The following CSMD1 variants were observed in gnomAD, a reference collection of about 807,000 sequenced individuals.
CSMD1 encodes the protein CUB and sushi domain-containing protein 1.
CSMD1 carries 213 observed loss-of-function variants against 417.5 expected under a neutral mutation model. That is an observed-to-expected ratio of 0.51 (90% CI 0.46 to 0.57). CSMD1 has a LOEUF of 0.57. CSMD1 is among the 20% of genes least tolerant of loss of function. CSMD1 has a pLI of 0.00. For synonymous variants in CSMD1, 2,862 were observed against 1,736.8 expected, an observed-to-expected ratio of 1.65 and a Z score of -16.11; for missense variants, 6,923 against 4,529.7, an observed-to-expected ratio of 1.53 and a Z score of -15.17.
At chr8:4,935,996 G>A (rs991140718) in intron 1 of CSMD1, among the ~76,000 whole-genome samples, 1 of 152,172 alleles carries the variant, frequency 6.6e-6, no homozygotes, top group South Asian at 2.1e-4. Flanking sequence ...AGCAAAAACA[G>A]CCAGGAATAA....
chr8:3,913,781 G>A (rs147181495), intron 5 of CSMD1, among the ~76,000 whole-genome samples: 7 of 152,248 alleles, frequency 4.6e-5, no homozygotes, highest in African/African-American at 1.4e-4. Flanking sequence ...TAAACAACTT[G>A]TATCTTAATG....
intron 1 of CSMD1, among the ~76,000 whole-genome samples, chr8:4,652,261 C>A (rs1469910845): frequency 6.6e-5 from 10 of 152,122 alleles, no homozygotes; most frequent in Non-Finnish European, 1.0e-4. Context: ...GAATAGAAAT[C>A]CAGTCTCATT....
intron 2 of CSMD1, among the ~76,000 whole-genome samples, chr8:4,441,095 G>GTATTTTTTTTTTTTTTTTTTTTTTT (rs1798443777): frequency 1.9e-5 from 1 of 51,294 alleles, no homozygotes; most frequent in Non-Finnish European, 3.6e-5. Flanking sequence ...TAATCAAAAG[G>GTATTTTTTTTTTTTTTTTTTTTTTT]TTTTTTTTTT....
chr8:3,889,691 C>T (rs1433549747), intron 5 of CSMD1, among the ~76,000 whole-genome samples: 1 of 151,400 alleles, frequency 6.6e-6, no homozygotes, highest in Non-Finnish European at 1.5e-5. Context: ...TGAAACTCAA[C>T]CTGGACTTCC....
At chr8:3,891,042 T>C (rs974995069) in intron 5 of CSMD1, among the ~76,000 whole-genome samples, 4 of 152,044 alleles carry the variant, frequency 2.6e-5, no homozygotes, top group Non-Finnish European at 4.4e-5. Flanking sequence ...TTTTTTGTTT[T>C]TTTTTTGTTT....
At chr8:3,537,167 C>T (rs1338126760) in intron 10 of CSMD1, among the ~76,000 whole-genome samples, 4 of 152,034 alleles carry the variant, frequency 2.6e-5, no homozygotes, top group Non-Finnish European at 5.9e-5. Flanking sequence ...CCACGCCCAG[C>T]TAATTTGTTG....
chr8:4,443,962 A>G (rs756252404), intron 2 of CSMD1, among the ~76,000 whole-genome samples: 12 of 152,138 alleles, frequency 7.9e-5, no homozygotes, highest in Non-Finnish European at 1.5e-4. Flanking sequence ...TGATATAATT[A>G]CCTGTGATAT....
intron 5 of CSMD1, among the ~76,000 whole-genome samples, chr8:3,910,152 T>G (rs1418821301): frequency 1.3e-5 from 2 of 152,200 alleles, no homozygotes; most frequent in Admixed American, 6.5e-5. Context: ...TTACAACTTA[T>G]GTCGGACACA....
intron 25 of CSMD1, among the ~76,000 whole-genome samples, chr8:3,304,705 T>C (rs1308487559): frequency 2.2e-5 from 3 of 136,412 alleles, no homozygotes; most frequent in African/African-American, 8.3e-5. Context: ...TGCACGTTTT[T>C]ATTCAAATAT....
At chr8:4,016,648 AC>A (rs1289239207) in intron 4 of CSMD1, among the ~76,000 whole-genome samples, 2 of 152,234 alleles carry the variant, frequency 1.3e-5, no homozygotes, top group Admixed American at 6.5e-5. Flanking sequence ...TTTGTCTTCT[AC>A]AGGTTTGTCT....
chr8:4,637,481 A>T lies in CSMD1; in HGVS notation c.163T>A (p.Tyr55Asn). 2 of 1,613,898 alleles carry T rather than the reference A, an allele frequency of 1.2e-6. No individual in the cohort carries two copies. The highest frequency in any genetic ancestry group is 1.7e-6 in the Non-Finnish European group (2 of 1,179,870). Residue 55 changes from tyrosine (Y) to asparagine (N), a missense_variant, in exon 2 of 70, where the codon TAT (tyrosine) becomes AAT (asparagine). Coordinates refer to ENST00000635120, the MANE Select transcript of CSMD1 (RefSeq NM_033225.6). The stretch of plus-strand genomic sequence containing the variant: ...ATGATGATCCAGGTGCAGTTGGCAT[A>T]GTTCGGATACCCGTGAGGAAACCCT... The part of the protein sequence containing the change: ...SPGFPHGYPN[Y>N]ANCTWIIITG...
intron 1 of CSMD1, among the ~76,000 whole-genome samples, chr8:4,842,602 G>T (rs962693363): frequency 2.6e-5 from 4 of 152,166 alleles, no homozygotes; most frequent in Non-Finnish European, 4.4e-5. Context: ...CTGCTGCAGG[G>T]AACCCGGGTG....
In CSMD1 at chr8:3,343,459, A is replaced by C. The variant is rs770887279; in HGVS notation, c.3475-9T>G. The C allele has an allele frequency of 2.5e-6, 4 of 1,610,612 alleles. No individual in the cohort carries two copies. The highest frequency in any genetic ancestry group is 3.4e-6 in the Non-Finnish European group (4 of 1,177,494). On this transcript the variant is annotated splice_polypyrimidine_tract_variant and intron_variant, in intron 22 of 69. Coordinates refer to ENST00000635120, the MANE Select transcript of CSMD1 (RefSeq NM_033225.6). ...TCTTTTCCATCATATACCTGATGAA[A>C]ATTCACAGCATGAGTCCCTCTATGC... is the stretch of plus-strand genomic sequence containing the variant.
At chr8:4,419,276 A>C (rs1222521724) in intron 3 of CSMD1, among the ~76,000 whole-genome samples, 1 of 152,150 alleles carries the variant, frequency 6.6e-6, no homozygotes. Context: ...ATCCAAAACA[A>C]AAGTAGACAC....
At chr8:4,322,510 G>A (rs1373086324) in intron 3 of CSMD1, among the ~76,000 whole-genome samples, 1 of 152,080 alleles carries the variant, frequency 6.6e-6, no homozygotes, top group Non-Finnish European at 1.5e-5. Flanking sequence ...GTGGGTTCAG[G>A]GAAGGCTGTA....
At chr8:4,550,625 G>C (rs976441215) in intron 2 of CSMD1, among the ~76,000 whole-genome samples, 5 of 152,118 alleles carry the variant, frequency 3.3e-5, no homozygotes, top group African/African-American at 1.2e-4. Flanking sequence ...TGAAATCATA[G>C]ATGTTGGGAT....
chr8:3,910,746 G>T (rs1447305330), intron 5 of CSMD1, among the ~76,000 whole-genome samples: 1 of 152,168 alleles, frequency 6.6e-6, no homozygotes, highest in Non-Finnish European at 1.5e-5. Flanking sequence ...CGAATTCGGT[G>T]CTTCTTTAGA....
intron 2 of CSMD1, among the ~76,000 whole-genome samples, chr8:4,565,749 C>CATATATATATATATATAT (rs58696547): frequency 8.4e-6 from 1 of 118,480 alleles, no homozygotes; most frequent in Non-Finnish European, 1.7e-5. Flanking sequence ...AAAATATATA[C>CATATATATATATATATAT]ATATATATAT....
At chr8:4,624,205 C>A (rs951791734) in intron 2 of CSMD1, among the ~76,000 whole-genome samples, 1 of 152,106 alleles carries the variant, frequency 6.6e-6, no homozygotes, top group African/African-American at 2.4e-5. Context: ...GAGATGACCT[C>A]TATTTGTCTA....
Sources: allele counts gnomAD v4.1 joint callset (sites outside exome capture counted in the v4.1 genomes callset), GRCh38; gene constraint gnomAD v4.1.1; transcripts MANE v1.5; gene names NCBI Gene and HGNC (gene_info 2026-07-23, HGNC 2026-07-21).